Variants in CNTN5 observed in about 807,000 individuals in gnomAD.
The protein encoded by CNTN5 is contactin-5.
Under a neutral mutation model 129.1 loss-of-function variants are expected in CNTN5, and 77 were observed. The ratio of observed to expected loss-of-function variants is 0.60; its 90% confidence interval spans 0.50 to 0.72. The LOEUF is 0.72. Ranked by LOEUF, CNTN5 falls within the 30% of genes least tolerant of loss-of-function variation. The pLI is 0.00. For missense variants in CNTN5, 1,478 were observed against 1,328.8 expected, an observed-to-expected ratio of 1.11 and a Z score of -1.75; for synonymous variants, 509 against 465.6, an observed-to-expected ratio of 1.09 and a Z score of -1.20.
At chr11:99,772,249 T>C (rs1944971772) in intron 3 of CNTN5, among the ~76,000 whole-genome samples, 1 of 152,058 alleles carries the variant, frequency 6.6e-6, no homozygotes, top group Non-Finnish European at 1.5e-5. Flanking sequence ...TGTAATCAGC[T>C]CAAGATTAAT....
At chr11:99,182,423 T>C (rs1231216897) in intron 1 of CNTN5, among the ~76,000 whole-genome samples, 1 of 151,892 alleles carries the variant, frequency 6.6e-6, no homozygotes, top group African/African-American at 2.4e-5. Context: ...CCTCTGGGGA[T>C]TAGCTGGCAG....
At chr11:100,237,188 C>CAAAAAAAAAA (rs397977189) in intron 16 of CNTN5, among the ~76,000 whole-genome samples, 9 of 71,016 alleles carry the variant, frequency 1.3e-4, no homozygotes, top group East Asian at 5.2e-4. Flanking sequence ...GACTCCGTCT[C>CAAAAAAAAAA]AAAAAAAAAA....
At chr11:99,683,927 T>C (rs1259672761) in intron 3 of CNTN5, among the ~76,000 whole-genome samples, 7 of 151,844 alleles carry the variant, frequency 4.6e-5, no homozygotes, top group Admixed American at 4.6e-4. Context: ...ATATGTAGTA[T>C]CTCACATACT....
chr11:99,556,939 C>T (rs566425200), intron 3 of CNTN5, among the ~76,000 whole-genome samples: 8 of 151,114 alleles, frequency 5.3e-5, no homozygotes, highest in Middle Eastern at 4.4e-3. Flanking sequence ...TATGTCAGAG[C>T]TTATTTGCTT....
chr11:99,417,524 T>C (rs560266796), intron 2 of CNTN5, among the ~76,000 whole-genome samples: 11 of 152,146 alleles, frequency 7.2e-5, no homozygotes, highest in Non-Finnish European at 1.5e-4. Flanking sequence ...GATTTCACTT[T>C]ATTTGTAAAT....
At chr11:99,613,994 A>G (rs1297546506) in intron 3 of CNTN5, among the ~76,000 whole-genome samples, 1 of 152,224 alleles carries the variant, frequency 6.6e-6, no homozygotes, top group South Asian at 2.1e-4. Flanking sequence ...TAGAATAATT[A>G]TAAAACTCTG....
chr11:100,049,019 T>C (rs1942828973), intron 9 of CNTN5, among the ~76,000 whole-genome samples: 1 of 152,144 alleles, frequency 6.6e-6, no homozygotes, highest in South Asian at 2.1e-4. Flanking sequence ...AAGACATTTT[T>C]AGCTAAAATA....
At chr11:99,311,344 T>C (rs1343893968) in intron 1 of CNTN5, among the ~76,000 whole-genome samples, 2 of 152,188 alleles carry the variant, frequency 1.3e-5, no homozygotes, top group East Asian at 3.8e-4. Flanking sequence ...TTAATGTCCA[T>C]ATATAAGGGG....
chr11:99,609,217 T>C (rs1239999421), intron 3 of CNTN5, among the ~76,000 whole-genome samples: 1 of 150,672 alleles, frequency 6.6e-6, no homozygotes, highest in African/African-American at 2.4e-5. Flanking sequence ...TGTGTTACAA[T>C]ACTGATGTCT....
chr11:99,097,985 G>A (rs553599601), intron 1 of CNTN5, among the ~76,000 whole-genome samples: 20 of 151,368 alleles, frequency 1.3e-4, no homozygotes, highest in South Asian at 6.3e-4. Flanking sequence ...ATTTCTGAGC[G>A]AAAAAAAACT....
At chr11:99,622,542 G>A (rs1212015483) in intron 3 of CNTN5, among the ~76,000 whole-genome samples, 2 of 152,068 alleles carry the variant, frequency 1.3e-5, no homozygotes, top group East Asian at 1.9e-4. Context: ...GGTTTTTCAG[G>A]TACTTTATAT....
At chr11:100,354,334 G>T in intron 24 of CNTN5, among the ~76,000 whole-genome samples, 1 of 151,476 alleles carries the variant, frequency 6.6e-6, no homozygotes, top group East Asian at 1.9e-4. Context: ...GTTATGTAGG[G>T]CTATTAAAAC....
intron 3 of CNTN5, among the ~76,000 whole-genome samples, chr11:99,664,126 T>C (rs1309117158): frequency 6.6e-6 from 1 of 152,148 alleles, no homozygotes; most frequent in Non-Finnish European, 1.5e-5. Context: ...TGTCTTTCAG[T>C]TTGTACTCTA....
intron 2 of CNTN5, among the ~76,000 whole-genome samples, chr11:99,371,502 T>A (rs938560442): frequency 6.6e-6 from 1 of 152,136 alleles, no homozygotes; most frequent in South Asian, 2.1e-4. Context: ...TACTGTTCAG[T>A]GATCTTACAT....
chr11:99,466,172 G>T (rs971657697), intron 2 of CNTN5, among the ~76,000 whole-genome samples: 12 of 152,130 alleles, frequency 7.9e-5, no homozygotes, highest in Non-Finnish European at 1.8e-4. Context: ...TTGAGCCACT[G>T]TGCCCGGCTG....
intron 6 of CNTN5, among the ~76,000 whole-genome samples, chr11:99,864,006 G>A (rs1365218570): frequency 2.6e-5 from 4 of 152,154 alleles, no homozygotes; most frequent in Non-Finnish European, 5.9e-5. Context: ...AATATATGGG[G>A]AAAGACATGT....
chr11:99,739,844 C>A (rs531390156), intron 3 of CNTN5, among the ~76,000 whole-genome samples: 1 of 152,246 alleles, frequency 6.6e-6, no homozygotes, highest in Admixed American at 6.5e-5. Context: ...CGAACTGAAG[C>A]ATTAAGTCTA....
intron 1 of CNTN5, among the ~76,000 whole-genome samples, chr11:99,236,628 A>G (rs752742517): frequency 1.3e-5 from 2 of 152,096 alleles, no homozygotes; most frequent in Non-Finnish European, 2.9e-5. Context: ...TAGTTATAAT[A>G]TTTTTCTCAT....
At chr11:100,313,872 A>C (rs1292861091) in intron 21 of CNTN5, among the ~76,000 whole-genome samples, 1 of 152,112 alleles carries the variant, frequency 6.6e-6, no homozygotes, top group Non-Finnish European at 1.5e-5. Context: ...AAAGGAGTTG[A>C]CCAAAAAGAG....
Sources: allele counts gnomAD v4.1 joint callset (sites outside exome capture counted in the v4.1 genomes callset), GRCh38; gene constraint gnomAD v4.1.1; transcripts MANE v1.5; gene names NCBI Gene and HGNC (gene_info 2026-07-23, HGNC 2026-07-21).